LPA: variants seen among roughly 807,000 people sequenced by gnomAD.
LPA encodes the protein lipoprotein(a).
LPA carries 199 observed loss-of-function variants against 197.9 expected under a neutral mutation model. The ratio of observed to expected loss-of-function variants is 1.01; its 90% CI spans 0.90 to 1.13. The LOEUF (loss-of-function observed/expected upper bound fraction) is 1.13, where lower values mean the gene tolerates loss of function less well. Ranked by LOEUF, LPA falls within the 50% of genes most tolerant of loss-of-function variation. LPA has a pLI of 0.00. For synonymous variants in LPA, 715 were observed against 639.5 expected, an observed-to-expected ratio of 1.12 and a Z score of -1.78; for missense variants, 1,853 against 1,785.8, an observed-to-expected ratio of 1.04 and a Z score of -0.68.
intron 16 of LPA, among the ~76,000 whole-genome samples, chr6:160,610,854 T>A (rs1484244745): frequency 6.6e-6 from 1 of 152,266 alleles, no homozygotes; most frequent in African/African-American, 2.4e-5. Flanking sequence ...ATTCTCTAGG[T>A]CCTCTACCAT....
chr6:160,611,425 A>T, intron 16 of LPA, 137 bp downstream of exon 16: 1 of 1,498,616 alleles, frequency 6.7e-7, no homozygotes, highest in African/African-American at 1.4e-5. Context: ...GCTCCAAGGA[A>T]ATCATCCTGA....
intron 29 of LPA, 64 bp downstream of exon 29, chr6:160,557,326 A>C (rs1345978438): frequency 1.5e-5 from 24 of 1,576,206 alleles, no homozygotes; most frequent in Non-Finnish European, 2.0e-5. Flanking sequence ...TGCATCAGTC[A>C]GATTTTCCAT....
At chr6:160,608,597 C>T (rs539251698) in intron 16 of LPA, among the ~76,000 whole-genome samples, 121 of 151,712 alleles carry the variant, frequency 8.0e-4, no homozygotes, top group Non-Finnish European at 1.3e-3. Flanking sequence ...TTCTTTTTTT[C>T]GAAACGCCTA....
At chr6:160,656,255 G>C (rs1780130393) in intron 1 of LPA, among the ~76,000 whole-genome samples, 1 of 152,198 alleles carries the variant, frequency 6.6e-6, no homozygotes. Flanking sequence ...CCAGGGATGG[G>C]ATATTGTTTT....
chr6:160,594,588 C>A (rs1267772115), intron 21 of LPA, among the ~76,000 whole-genome samples: 1 of 152,216 alleles, frequency 6.6e-6, no homozygotes, highest in Non-Finnish European at 1.5e-5. Context: ...AGCGGTCCTG[C>A]ATCTAGGACT....
intron 28 of LPA, among the ~76,000 whole-genome samples, chr6:160,572,142 C>G (rs1381438139): frequency 6.6e-6 from 1 of 152,350 alleles, no homozygotes; most frequent in African/African-American, 2.4e-5. Context: ...TTCCCTGACC[C>G]CTTCCACTTC....
intron 37 of LPA, among the ~76,000 whole-genome samples, chr6:160,536,312 T>C (rs541134665): frequency 3.9e-5 from 6 of 152,352 alleles, no homozygotes; most frequent in African/African-American, 1.4e-4. Flanking sequence ...TCCCTTGTTT[T>C]GCTTAATCCA....
chr6:160,569,118 A>C (rs949264894), intron 28 of LPA, among the ~76,000 whole-genome samples: 5 of 152,228 alleles, frequency 3.3e-5, no homozygotes, highest in Non-Finnish European at 5.9e-5. Flanking sequence ...TCTTCACAGA[A>C]TTGGAAAAAA....
intron 26 of LPA, among the ~76,000 whole-genome samples, chr6:160,579,216 C>G (rs1453680141): frequency 6.6e-6 from 1 of 152,098 alleles, no homozygotes. Context: ...CCCCCTTACT[C>G]TATTTACTCA....
Position 160,599,648 on chromosome 6 carries a change from C to T in LPA, c.3139G>A (p.Glu1047Lys). The stretch of plus-strand genomic sequence containing the variant: ...TAGCAGTCCTGTACCCCGGGGGTTT[C>T]CTCAGTCAGTGCTGAAATTAAAACA... ...EAFFEQALTE[E>K]TPGVQDCYYH... is the part of the protein sequence containing the mutation. The change falls in exon 20 of 39, where the codon GAA becomes AAA. Residue 1047 changes from glutamate (E) to lysine (K), a missense_variant. By Grantham distance (56) the Glu-to-Lys change is moderately conservative. This residue lies in a region of LPA where 1,737 missense variants were observed against 1,504.4 expected (regional missense o/e 1.15). Coordinates refer to ENST00000316300, the MANE Select transcript of LPA (RefSeq NM_005577.4). The T allele has an allele frequency of 1.2e-6, 2 of 1,613,988 alleles. No individual in the cohort carries two copies. Among genetic ancestry groups the T allele is most frequent in the East Asian group, 2.2e-5 (1 of 44,864 alleles).
chr6:160,594,115 G>T lies in LPA; in HGVS notation c.3472C>A (p.Pro1158Thr), dbSNP rs544137228. The T allele has an allele frequency of 1.2e-5, 19 of 1,613,700 alleles. No homozygotes were observed. In the South Asian group the frequency reaches 1.5e-4, roughly 13 times the overall value. The change falls in exon 22 of 39, where the codon CCA becomes ACA. Residue 1158 changes from proline to threonine, a missense_variant and splice_region_variant. By Grantham distance (38) the Pro-to-Thr change is conservative (BLOSUM62 -1). This residue lies in a region of LPA where 1,737 missense variants were observed against 1,504.4 expected (regional missense o/e 1.15). Coordinates refer to ENST00000316300, the MANE Select transcript of LPA (RefSeq NM_005577.4). ...TGGACCCCGGGGCTTTGCTCCGTTG[G>T]TGCTGAAATTCAAAGAGGAGAAATC... The part of the protein sequence containing the change: ...PSTEASSEEA[P>T]TEQSPGVQDC...
chr6:160,608,342 C>A (rs1468365557), intron 16 of LPA, among the ~76,000 whole-genome samples: 1 of 152,122 alleles, frequency 6.6e-6, no homozygotes, highest in Non-Finnish European at 1.5e-5. Context: ...ATCTTCAAGG[C>A]ATTTTATTGC....
chr6:160,575,635 T>C (rs540267470), intron 28 of LPA, among the ~76,000 whole-genome samples: 3 of 152,304 alleles, frequency 2.0e-5, no homozygotes, highest in Admixed American at 2.0e-4. Context: ...AAAGAGTGGC[T>C]TTTCTGGGGT....
intron 1 of LPA, among the ~76,000 whole-genome samples, chr6:160,658,838 G>T (rs1305581066): frequency 7.0e-6 from 1 of 142,844 alleles, no homozygotes; most frequent in Non-Finnish European, 1.5e-5. Flanking sequence ...ATCTGTATTA[G>T]TCGGGGTTCT....
In LPA at chr6:160,611,708, C is replaced by G. The variant is rs751147524; in HGVS notation, c.2457G>C (p.Gln819His). ...GGTAGCACTCCTGCACCCCAGGCCT[C>G]TGCTCAGTCGGTGCTGAAATGAAAA... ...EAPSEQAPTE[Q>H]RPGVQECYHG... The change falls in exon 16 of 39, where the codon CAG (glutamine) becomes CAC (histidine). Residue 819 changes from glutamine (Q) to histidine (H), a missense_variant. Transcript: ENST00000316300. 1 of 1,523,910 alleles carries G rather than the reference C, an allele frequency of 6.6e-7. No homozygotes were observed. The highest frequency in any genetic ancestry group is 1.1e-5 in the South Asian group (1 of 88,650). 94.4% of individuals were successfully genotyped at this position (1,523,910 alleles called of 1,614,324 possible). A position where few individuals can be genotyped will look rare whatever the true frequency, so the allele number is the denominator to read the frequency against.
chr6:160,588,256 GTT>G (rs201471654), intron 24 of LPA, among the ~76,000 whole-genome samples: 1 of 149,510 alleles, frequency 6.7e-6, no homozygotes, highest in Non-Finnish European at 1.5e-5. Flanking sequence ...GGGGGGTTGA[GTT>G]TTTTTTTTCT....
At chr6:160,663,078 C>T (rs1254842225) in intron 1 of LPA, among the ~76,000 whole-genome samples, 1 of 152,230 alleles carries the variant, frequency 6.6e-6, no homozygotes, top group Non-Finnish European at 1.5e-5. Context: ...TGCTCGCCTC[C>T]TCTGTTGCCT....
intron 1 of LPA, among the ~76,000 whole-genome samples, chr6:160,655,829 G>A (rs1028918627): frequency 5.3e-5 from 8 of 152,122 alleles, no homozygotes; most frequent in African/African-American, 1.4e-4. Flanking sequence ...GTTATATCTC[G>A]TGGAAGTGAA....
intron 1 of LPA, among the ~76,000 whole-genome samples, chr6:160,653,168 G>T (rs191430357): frequency 2.0e-5 from 3 of 152,036 alleles, no homozygotes; most frequent in South Asian, 2.1e-4. Context: ...TCAGAACAAC[G>T]AATACTTCCA....
Sources: gnomAD v4.1 joint callset for allele counts (sites outside exome capture counted in the v4.1 genomes callset) on GRCh38, gnomAD v4.1.1 for gene constraint, gnomAD v4.1.1 regional missense constraint, MANE v1.5 for transcripts, NCBI Gene and HGNC (gene_info 2026-07-23, HGNC 2026-07-21) for gene names.